PSMC3: variants seen among roughly 807,000 people sequenced by gnomAD.
PSMC3 encodes the protein 26S proteasome regulatory subunit 6A.
PSMC3 carries 11 observed loss-of-function variants against 52.0 expected under a neutral mutation model. The ratio of observed to expected loss-of-function variants is 0.21; its 90% CI spans 0.13 to 0.35. The LOEUF is 0.35. PSMC3 is among the 10% of genes least tolerant of loss of function. The pLI is 1.00. For synonymous variants in PSMC3, 201 were observed against 218.8 expected (o/e 0.92, Z 0.72); for missense variants, 238 against 567.1 (o/e 0.42, Z 5.89).
intron 2 of PSMC3, chr11:47,425,664 C>T (rs1283446553): frequency 5.3e-6 from 3 of 567,036 alleles, no homozygotes; most frequent in Non-Finnish European, 9.4e-6. Flanking sequence ...CTTCTCATCT[C>T]AGCCCAGGCC....
chr11:47,425,097 C>G, intron 3 of PSMC3, 24 bp downstream of exon 3: 1 of 1,613,910 alleles, frequency 6.2e-7, no homozygotes, highest in Non-Finnish European at 8.5e-7. Context: ...GACTCCCTCT[C>G]TTCCCCTCCA....
intron 3 of PSMC3, 65 bp downstream of exon 3, chr11:47,425,056 G>A (rs976680629): frequency 6.2e-6 from 10 of 1,604,042 alleles, no homozygotes; most frequent in Non-Finnish European, 6.8e-6. Flanking sequence ...TTCCCTAGTG[G>A]CCCCACCCCA....
At position 47,420,796 on chromosome 11, in the gene PSMC3, C is replaced by G. The variant is rs571377414; in HGVS notation, c.885-69G>C. The G allele has an allele frequency of 2.4e-3, 3,447 of 1,424,516 alleles. 6 individuals are homozygous for G. Among genetic ancestry groups the G allele is most frequent in the Non-Finnish European group, 2.9e-3 (3,012 of 1,037,418 alleles). 88.2% of individuals were successfully genotyped at this position (1,424,516 alleles called of 1,614,324 possible). ...GGCAGAGCCCTCCCCTCCTCTACCC[C>G]CTGGAAGCCTAACCTAACCCGTCCA... is the stretch of plus-strand genomic sequence containing the variant. On this transcript the variant is annotated intron_variant, in intron 8 of 11. Transcript: ENST00000298852.
In PSMC3 at chr11:47,426,240, G is replaced by A. The variant is rs2096046310; in HGVS notation, c.40C>T (p.Gln14Ter). Residue 14 changes from glutamine to a stop codon, truncating the protein, a stop_gained, in exon 1 of 12, where the codon CAG (glutamine) becomes TAG (stop). Transcript: ENST00000298852. LOFTEE classifies it high-confidence loss of function. ...LPNIESPVTR[Q>*]EKMATVWDEA... ...TCCCACACGGTCGCCATCTTCTCCT[G>A]CCGAGTCACTGGACTCTCAATATTC... is the stretch of plus-strand genomic sequence containing the variant. The A allele has an allele frequency of 2.6e-6, 4 of 1,560,058 alleles. No homozygotes were observed. The highest frequency in any genetic ancestry group is 3.5e-6 in the Non-Finnish European group (4 of 1,152,536).
chr11:47,420,524 AAG>A, intron 9 of PSMC3, 105 bp downstream of exon 9: 1 of 1,516,596 alleles, frequency 6.6e-7, no homozygotes, highest in South Asian at 1.2e-5. Context: ...TGGGATGTTA[AAG>A]ACAGATCCCA....
rs1414535372 is a variant in PSMC3 at position 47,424,008 on chromosome 11, G to C, written c.591+38C>G. ...ATCAATGGCGTGGAGAAACTAAAAG[G>C]CTGACAAGGCTGCTGGCAGCTGCCG... On this transcript the variant is annotated intron_variant, in intron 6 of 11. Transcript: ENST00000298852. This position sits in a 1 kb window ranked among gnomAD's most constrained non-coding sequence, Gnocchi z 4.8. 1.2e-6 allele frequency: 2 copies of C among 1,613,872 alleles called. No homozygotes were observed. The highest frequency in any genetic ancestry group is 1.7e-6 in the Non-Finnish European group (2 of 1,179,858).
chr11:47,425,080 C>T, intron 3 of PSMC3, 41 bp downstream of exon 3: 1 of 1,613,226 alleles, frequency 6.2e-7, no homozygotes, highest in East Asian at 2.2e-5. Flanking sequence ...TGTCCCCATT[C>T]CCTGCTGACT....
At chr11:47,423,684 C>T (rs751736380) in intron 6 of PSMC3, among the ~76,000 whole-genome samples, 1 of 151,982 alleles carries the variant, frequency 6.6e-6, no homozygotes, top group Non-Finnish European at 1.5e-5. Flanking sequence ...CCCAGCTACT[C>T]GAGAGGCTGA....
chr11:47,423,896 T>A, intron 6 of PSMC3, 150 bp downstream of exon 6: 1 of 1,096,966 alleles, frequency 9.1e-7, no homozygotes, highest in Non-Finnish European at 1.3e-6. Flanking sequence ...CTCTCTGGGC[T>A]TCAGTCTCCT....
chr11:47,420,619 G>A lies in PSMC3; in HGVS notation c.981+12C>T. ...AGCCTCATCATCTTTGCCTGGGAGT[G>A]CTAATACTCACCTTAACTTGGGTGT... On this transcript the variant is annotated intron_variant, in intron 9 of 11. Transcript: ENST00000298852. The A allele has an allele frequency of 6.5e-7, 1 of 1,550,120 alleles. No homozygotes were observed. The highest frequency in any genetic ancestry group is 8.7e-7 in the Non-Finnish European group (1 of 1,145,448).
In PSMC3 at chr11:47,424,092, G is replaced by A. The variant is rs149581795; in HGVS notation, c.545C>T (p.Thr182Met). The A allele has an allele frequency of 1.2e-6, 2 of 1,614,138 alleles. No homozygotes were observed. The highest frequency in any genetic ancestry group is 1.7e-6 in the Non-Finnish European group (2 of 1,180,038). The change falls in exon 6 of 12, where the codon ACG (threonine) becomes ATG (methionine). Residue 182 changes from threonine (T) to methionine (M), a missense_variant. By Grantham distance (81) the Thr-to-Met change is moderately conservative. Coordinates refer to ENST00000298852, the MANE Select transcript of PSMC3 (RefSeq NM_002804.5). The surrounding 1 kb of genome is among the most constrained non-coding windows in gnomAD (Gnocchi z 4.8). ...ACCCCCAATGTCACTGTATTGCTCC[G>A]TGGGCCTCTCGTCTACCTCCATGGC... Reference protein sequence around the residue: ...VKAMEVDERPTEQYSDIGGLD... With the variant: ...VKAMEVDERPMEQYSDIGGLD...
intron 1 of PSMC3, 34 bp from the exon 2 acceptor site, chr11:47,425,984 C>A (rs1368356263): frequency 6.3e-7 from 1 of 1,581,706 alleles, no homozygotes; most frequent in African/African-American, 1.4e-5. Context: ...TATATATTTA[C>A]TTTTACTCAG....
intron 8 of PSMC3, among the ~76,000 whole-genome samples, chr11:47,421,730 G>A (rs953807589): frequency 1.3e-5 from 2 of 150,656 alleles, no homozygotes; most frequent in African/African-American, 4.9e-5. Flanking sequence ...TCAGCCCACT[G>A]CAACCTCCGC....
chr11:47,420,777 G>C, intron 8 of PSMC3, 50 bp from the exon 9 acceptor site: 1 of 1,497,834 alleles, frequency 6.7e-7, no homozygotes, highest in Non-Finnish European at 9.1e-7. Context: ...CTTAGGCAGA[G>C]CCCTCCCCTC....
In PSMC3 at chr11:47,426,258, C is replaced by A. The variant is rs988707465; in HGVS notation, c.22G>T (p.Glu8Ter). 1.9e-5 allele frequency: 30 copies of A among 1,555,644 alleles called. No homozygotes were observed. Among genetic ancestry groups the A allele is most frequent in the Non-Finnish European group, 2.5e-5 (29 of 1,149,470 alleles). MNLLPNI[E>*]SPVTRQEKMA... ...TTCTCCTGCCGAGTCACTGGACTCT[C>A]AATATTCGGCAGCAGATTCATTTCC... Residue 8 changes from glutamate to a stop codon, truncating the protein, a stop_gained, in exon 1 of 12, where the codon GAG (glutamate) becomes TAG (stop). Transcript: ENST00000298852. LOFTEE classifies it high-confidence loss of function.
At position 47,424,326 on chromosome 11, in the gene PSMC3, C is replaced by T. The variant is rs1043648842; in HGVS notation, c.453+103G>A. 3.0e-5 allele frequency: 47 copies of T among 1,555,392 alleles called. No homozygotes were observed. Among genetic ancestry groups the T allele is most frequent in the African/African-American group, 8.2e-5 (6 of 73,432 alleles). On this transcript the variant is annotated intron_variant, in intron 5 of 11. Transcript: ENST00000298852. The surrounding 1 kb of genome is among the most constrained non-coding windows in gnomAD (Gnocchi z 4.8). The stretch of plus-strand genomic sequence containing the variant: ...GCAAGTAGACAGAATCCCAGACTCT[C>T]GGAGCTGTTCTGCCAAGATTCAGAG...
rs1565675030 is a variant in PSMC3 at position 47,420,270 on chromosome 11, T to C, written c.1121A>G (p.Asn374Ser). ...TGCCCGTGCTCCTGCTCACCTGACATTCATCTTTCGGGAGTGGATCTGCAT... is the reference window on the plus strand; with the variant it reads ...TGCCCGTGCTCCTGCTCACCTGACACTCATCTTTCGGGAGTGGATCTGCAT... Reference protein sequence around the residue: ...RIMQIHSRKMNVSPDVNYEEL... With the variant: ...RIMQIHSRKMSVSPDVNYEEL... The change falls in exon 10 of 12, where the codon AAT (asparagine) becomes AGT (serine). Residue 374 changes from asparagine (N) to serine (S), a missense_variant. Physicochemically the swap from Asn to Ser is conservative, Grantham distance 46 (BLOSUM62 1). Around this residue, in one of 6 missense-constraint regions of PSMC3, gnomAD observed 40 missense variants for 53.3 expected, o/e 0.75. Coordinates refer to ENST00000298852, the MANE Select transcript of PSMC3 (RefSeq NM_002804.5). 6.2e-7 allele frequency: 1 copy of C among 1,614,150 alleles called. No homozygotes were observed. Among genetic ancestry groups the C allele is most frequent in the East Asian group, 2.2e-5 (1 of 44,888 alleles).
chr11:47,425,209 A>G lies in PSMC3; in HGVS notation c.197T>C (p.Leu66Pro), dbSNP rs752556002. The change falls in exon 3 of 12, where the codon CTC becomes CCC. Residue 66 changes from leucine to proline, a missense_variant. This residue lies in a region of PSMC3 where 21 missense variants were observed against 95.6 expected (regional missense o/e 0.22). Transcript: ENST00000298852. ...TTTTATCTTGTCCTTCATGGCTTGGAGCTCATGGGTGACTCTCAACACTTC... is the reference window on the plus strand; with the variant it reads ...TTTTATCTTGTCCTTCATGGCTTGGGGCTCATGGGTGACTCTCAACACTTC... ...KSEVLRVTHE[L>P]QAMKDKIKEN... 6.2e-7 allele frequency: 1 copy of G among 1,613,910 alleles called. No homozygotes were observed. The highest frequency in any genetic ancestry group is 8.5e-7 in the Non-Finnish European group (1 of 1,179,948).
Position 47,422,632 on chromosome 11 carries a change from T to C in PSMC3, c.826A>G (p.Lys276Glu). ...KLVRDAFALA[K>E]EKAPSIIFID... Reference sequence around the variant, plus strand: ...AAGATGATAGAGGGCGCTTTCTCCTTGGCCAGGGCAAAGGCATCCCGGACT... The same window carrying C: ...AAGATGATAGAGGGCGCTTTCTCCTCGGCCAGGGCAAAGGCATCCCGGACT... The change falls in exon 8 of 12, where the codon AAG becomes GAG. Residue 276 changes from lysine (K) to glutamate (E), a missense_variant. Lys to Glu is a moderately conservative substitution (Grantham distance 56). Around this residue, in one of 6 missense-constraint regions of PSMC3, gnomAD observed 46 missense variants for 172.9 expected, o/e 0.27. Coordinates refer to ENST00000298852, the MANE Select transcript of PSMC3 (RefSeq NM_002804.5). This position sits in a 1 kb window ranked among gnomAD's most constrained non-coding sequence, Gnocchi z 4.3. 1.2e-6 allele frequency: 2 copies of C among 1,614,164 alleles called. No homozygotes were observed. The highest frequency in any genetic ancestry group is 3.3e-5 in the Admixed American group (2 of 60,020).
Sources: gnomAD v4.1 joint callset for allele counts (sites outside exome capture counted in the v4.1 genomes callset) on GRCh38, gnomAD v4.1.1 for gene constraint, gnomAD v4.1.1 regional missense constraint, Gnocchi (gnomAD v3.1) non-coding constraint, MANE v1.5 for transcripts, NCBI Gene and HGNC (gene_info 2026-07-23, HGNC 2026-07-21) for gene names.